SOX6: variants seen among roughly 807,000 people sequenced by gnomAD.
SOX6 encodes the protein transcription factor SOX-6.
In SOX6, 11 loss-of-function variants were observed where a neutral mutation model predicts 97.8. That is an observed-to-expected ratio of 0.11 (90% CI 0.07 to 0.19). SOX6 has a LOEUF of 0.19. Among genes scored for constraint, SOX6 ranks in the 10% least tolerant of loss-of-function variants. The probability of loss-of-function intolerance (pLI) is 1.00; values close to 1 mark genes in which losing one functional copy is unlikely to be tolerated. For synonymous variants in SOX6, 360 were observed against 371.4 expected, an observed-to-expected ratio of 0.97 and a Z score of 0.35; for missense variants, 810 against 1,039.5, an observed-to-expected ratio of 0.78 and a Z score of 3.04.
At chr11:16,644,002 C>A (rs2134007335) in intron 3 of SOX6, among the ~76,000 whole-genome samples, 1 of 152,336 alleles carries the variant, frequency 6.6e-6, no homozygotes, top group South Asian at 2.1e-4. Context: ...CTGCATCGCT[C>A]ATGCTGGGAG....
chr11:16,248,736 A>G (rs1006789730), intron 3 of SOX6, among the ~76,000 whole-genome samples: 1 of 152,168 alleles, frequency 6.6e-6, no homozygotes, highest in Non-Finnish European at 1.5e-5. Context: ...TTGGCCTGTA[A>G]TGGGAGGGGC....
At chr11:16,023,334 C>G (rs1855122930) in intron 12 of SOX6, 1 of 152,068 alleles carries the variant, frequency 6.6e-6, no homozygotes, top group Non-Finnish European at 1.5e-5. Flanking sequence ...ACATAAGTGC[C>G]TCTCATGATG....
intron 9 of SOX6, among the ~76,000 whole-genome samples, chr11:16,066,108 G>C (rs750910128): frequency 6.6e-6 from 1 of 152,140 alleles, no homozygotes; most frequent in Non-Finnish European, 1.5e-5. Context: ...TAAAATATTT[G>C]AATAGGTGTT....
chr11:16,587,555 G>A (rs1170438129), intron 4 of SOX6, among the ~76,000 whole-genome samples: 1 of 152,136 alleles, frequency 6.6e-6, no homozygotes, highest in Non-Finnish European at 1.5e-5. Context: ...TTGGTGATAT[G>A]CATCCAGTTC....
At chr11:16,073,980 C>T (rs1848287093) in intron 9 of SOX6, among the ~76,000 whole-genome samples, 1 of 152,124 alleles carries the variant, frequency 6.6e-6, no homozygotes, top group Non-Finnish European at 1.5e-5. Context: ...ATGCCCACAT[C>T]AAAAAGTTAG....
At chr11:16,368,020 G>A (rs1331642508) in intron 1 of SOX6, among the ~76,000 whole-genome samples, 2 of 152,208 alleles carry the variant, frequency 1.3e-5, no homozygotes, top group African/African-American at 4.8e-5. Flanking sequence ...CTTACTGCAT[G>A]TCTTTTCACT....
intron 4 of SOX6, among the ~76,000 whole-genome samples, chr11:16,203,734 A>G (rs1165608572): frequency 6.6e-6 from 1 of 152,144 alleles, no homozygotes; most frequent in African/African-American, 2.4e-5. Flanking sequence ...TAGAGTCAAG[A>G]AGAATTCTCT....
intron 4 of SOX6, among the ~76,000 whole-genome samples, chr11:16,569,451 A>T (rs1367743359): frequency 6.6e-6 from 1 of 152,158 alleles, no homozygotes; most frequent in Non-Finnish European, 1.5e-5. Context: ...TGGTACAATC[A>T]GTTAGCACAC....
intron 4 of SOX6, among the ~76,000 whole-genome samples, chr11:16,200,801 T>C (rs1225772707): frequency 2.0e-5 from 3 of 152,166 alleles, no homozygotes; most frequent in Non-Finnish European, 2.9e-5. Context: ...TCCAGACATA[T>C]AGTAGGTCTT....
chr11:16,331,867 A>G (rs886940811), intron 2 of SOX6, among the ~76,000 whole-genome samples: 4 of 152,066 alleles, frequency 2.6e-5, no homozygotes, highest in Non-Finnish European at 5.9e-5. Flanking sequence ...GCAACATACA[A>G]CCTTGGACTG....
At chr11:16,320,490 G>A (rs543196511) in intron 2 of SOX6, among the ~76,000 whole-genome samples, 8 of 152,060 alleles carry the variant, frequency 5.3e-5, no homozygotes, top group Non-Finnish European at 1.0e-4. Context: ...GGATTTTCAG[G>A]GTTATTGAAA....
intron 4 of SOX6, among the ~76,000 whole-genome samples, chr11:16,575,782 T>C (rs1406106216): frequency 6.6e-6 from 1 of 152,088 alleles, no homozygotes; most frequent in Non-Finnish European, 1.5e-5. Flanking sequence ...ACAGGGAGTA[T>C]GGGGGTGTAA....
intron 11 of SOX6, among the ~76,000 whole-genome samples, chr11:16,048,686 A>G (rs185946287): frequency 4.7e-4 from 72 of 152,282 alleles, no homozygotes; most frequent in Middle Eastern, 3.4e-3. Flanking sequence ...GGCTATTCTT[A>G]TACATTATTT....
Position 16,330,223 on chromosome 11 carries a change from A to G in SOX6, c.237+10789T>C, listed in dbSNP as rs79856168. Reference sequence around the variant, plus strand: ...AGCAGAGCTTTAAGGCAGGCCTGATAGTGAATTTCCCAGCAATTAAATCAA... The same window carrying G: ...AGCAGAGCTTTAAGGCAGGCCTGATGGTGAATTTCCCAGCAATTAAATCAA... On this transcript the variant is annotated intron_variant, in intron 2 of 15. Transcript: ENST00000683767. 5.4e-3 allele frequency among the ~76,000 whole-genome samples: 828 copies of G among 152,298 alleles called. 5 individuals are homozygous for G. The highest frequency in any genetic ancestry group is 0.019 in the African/African-American group (795 of 41,572).
chr11:16,534,715 C>T (rs1340644121), intron 4 of SOX6, among the ~76,000 whole-genome samples: 1 of 152,096 alleles, frequency 6.6e-6, no homozygotes, highest in African/African-American at 2.4e-5. Flanking sequence ...AACTGTCCTC[C>T]TGACCCTCAC....
At chr11:16,669,289 G>T in intron 3 of SOX6, among the ~76,000 whole-genome samples, 1 of 152,218 alleles carries the variant, frequency 6.6e-6, no homozygotes, top group East Asian at 1.9e-4. Context: ...GCTCCTGAAT[G>T]ACAGGGGTTC....
chr11:16,364,690 G>A (rs1857304345), intron 1 of SOX6, among the ~76,000 whole-genome samples: 1 of 152,116 alleles, frequency 6.6e-6, no homozygotes, highest in Admixed American at 6.6e-5. Flanking sequence ...CCATACAAAT[G>A]TAAGGTAGAG....
intron 1 of SOX6, among the ~76,000 whole-genome samples, chr11:16,374,235 T>C (rs992588615): frequency 3.3e-5 from 5 of 152,040 alleles, no homozygotes; most frequent in Admixed American, 3.3e-4. Context: ...CCCATGGAAG[T>C]ATACCCAAAA....
intron 12 of SOX6, among the ~76,000 whole-genome samples, chr11:16,024,781 T>C (rs1245283942): frequency 6.6e-6 from 1 of 152,028 alleles, no homozygotes. Context: ...CCTGCTGAAA[T>C]GAACTAATGT....
Sources: gnomAD v4.1 joint callset for allele counts (sites outside exome capture counted in the v4.1 genomes callset) on GRCh38, gnomAD v4.1.1 for gene constraint, MANE v1.5 for transcripts, NCBI Gene and HGNC (gene_info 2026-07-23, HGNC 2026-07-21) for gene names.